SPIRE2: variants seen among roughly 807,000 people sequenced by gnomAD.
SPIRE2 encodes the protein protein spire homolog 2.
In SPIRE2, 76 loss-of-function variants were observed where a neutral mutation model predicts 80.7. The ratio of observed to expected loss-of-function variants is 0.94; its 90% confidence interval spans 0.78 to 1.14. The LOEUF (loss-of-function observed/expected upper bound fraction) is 1.14. Among genes scored for constraint, SPIRE2 ranks in the 50% most tolerant of loss-of-function variants. The pLI is 0.00. For synonymous variants in SPIRE2, 535 were observed against 432.6 expected, an observed-to-expected ratio of 1.24 and a Z score of -2.94; for missense variants, 1,196 against 1,015.3, an observed-to-expected ratio of 1.18 and a Z score of -2.42.
chr16:89,854,253 C>T (rs1261155004), intron 3 of SPIRE2, 33 bp from the exon 4 acceptor site: 4 of 1,601,508 alleles, frequency 2.5e-6, no homozygotes, highest in Non-Finnish European at 3.4e-6. Context: ...ATTCTCGTAC[C>T]TCCCCTGGAC....
chr16:89,857,297 G>A (rs1056879235), intron 7 of SPIRE2, among the ~76,000 whole-genome samples: 5 of 151,566 alleles, frequency 3.3e-5, no homozygotes, highest in East Asian at 2.0e-4. Context: ...CACCACGCCC[G>A]GCTAATTTTT....
At chr16:89,833,250 A>C (rs1199933869) in intron 1 of SPIRE2, among the ~76,000 whole-genome samples, 1 of 151,038 alleles carries the variant, frequency 6.6e-6, no homozygotes, top group Admixed American at 6.6e-5. Context: ...TGGCCTCCGA[A>C]AGTGCTGGGA....
intron 1 of SPIRE2, among the ~76,000 whole-genome samples, chr16:89,834,102 G>T (rs897171920): frequency 3.4e-5 from 5 of 149,044 alleles, no homozygotes; most frequent in African/African-American, 1.2e-4. Flanking sequence ...GCGGTTGGCC[G>T]TCGTAGAAGC....
intron 1 of SPIRE2, among the ~76,000 whole-genome samples, chr16:89,844,743 A>G (rs917392840): frequency 4.6e-5 from 7 of 152,116 alleles, no homozygotes; most frequent in African/African-American, 1.7e-4. Context: ...TGGCCCTCCC[A>G]AAGTAATTTT....
At position 89,843,681 on chromosome 16, in the gene SPIRE2, GT is replaced by G. The variant is rs1567671338; in HGVS notation, c.245-1638del. Among the ~76,000 whole-genome samples, 17 of 65,048 alleles carry G rather than the reference GT, an allele frequency of 2.6e-4. 1 individual carries two copies. The highest frequency in any genetic ancestry group is 1.1e-3 in the African/African-American group (17 of 15,340). The allele number at this position is 65,048 out of a possible 152,430, so 42.7% of individuals were successfully genotyped here. A position where few individuals can be genotyped will look rare whatever the true frequency, so the allele number is the denominator to read the frequency against. On this transcript the variant is annotated intron_variant, in intron 1 of 14. Transcript: ENST00000378247. ...CTTGCTGCCACGTTTTTTTTTTTTT[GT>G]TTGTTTTTGTTTTTTGTTTTTTTTT... is the stretch of plus-strand genomic sequence containing the variant.
chr16:89,861,072 G>A (rs931453452), intron 10 of SPIRE2, among the ~76,000 whole-genome samples: 21 of 152,176 alleles, frequency 1.4e-4, no homozygotes, highest in Admixed American at 8.5e-4. Context: ...TGGGGTTAGG[G>A]CAGACGGTGA....
At chr16:89,848,733 C>A (rs538661749) in intron 2 of SPIRE2, among the ~76,000 whole-genome samples, 1 of 149,328 alleles carries the variant, frequency 6.7e-6, no homozygotes, top group South Asian at 2.1e-4. Flanking sequence ...GAGGCAGGTT[C>A]CAGGGCCTTC....
chr16:89,854,477 T>C lies in SPIRE2; in HGVS notation c.727-10T>C, dbSNP rs1258275801. On this transcript the variant is annotated splice_polypyrimidine_tract_variant and intron_variant, in intron 4 of 14. Transcript: ENST00000378247. The stretch of plus-strand genomic sequence containing the variant: ...GGGGCTGAGACCCATTCTCTTCCCC[T>C]GGGGCCCAGGCCCGACTGTGGGTTC... 3 of 1,611,612 alleles carry C rather than the reference T, an allele frequency of 1.9e-6. No individual in the cohort carries two copies. Among genetic ancestry groups the C allele is most frequent in the Non-Finnish European group, 2.5e-6 (3 of 1,179,144 alleles).
At chr16:89,842,624 C>T (rs2041516139) in intron 1 of SPIRE2, among the ~76,000 whole-genome samples, 1 of 152,224 alleles carries the variant, frequency 6.6e-6, no homozygotes, top group Non-Finnish European at 1.5e-5. Flanking sequence ...CTGAGGACCT[C>T]GCCTGATGTG....
rs946553825 is a variant in SPIRE2 at position 89,855,924 on chromosome 16, G to A, written c.979-189G>A. The A allele has an allele frequency of 5.4e-6, 6 of 1,120,844 alleles. No homozygotes were observed. In the African/African-American group the frequency reaches 6.3e-5, roughly 12 times the overall value. 69.4% of individuals were successfully genotyped at this position (1,120,844 alleles called of 1,614,324 possible). A position where few individuals can be genotyped will look rare whatever the true frequency, so the allele number is the denominator to read the frequency against. ...GTGAGCCATGCCCACCCCACCCCAG[G>A]TGCATGCGGAGCCCAGAGCCCCCTG... On this transcript the variant is annotated intron_variant, in intron 6 of 14. Transcript: ENST00000378247.
At chr16:89,855,784 G>A (rs2041684961) in intron 6 of SPIRE2, 98 bp downstream of exon 6, 2 of 1,256,698 alleles carry the variant, frequency 1.6e-6, no homozygotes, top group African/African-American at 1.5e-5. Flanking sequence ...CCTGTGGCCA[G>A]CCTGGGAGGT....
Position 89,863,964 on chromosome 16 carries a change from G to T in SPIRE2, c.1778+103G>T, listed in dbSNP as rs1297939951. The T allele has an allele frequency of 1.2e-6, 1 of 844,638 alleles. No homozygotes were observed. The highest frequency in any genetic ancestry group is 1.7e-5 in the African/African-American group (1 of 59,020). The allele number at this position is 844,638 out of a possible 1,614,324, so 52.3% of individuals were successfully genotyped here. On this transcript the variant is annotated intron_variant, in intron 12 of 14. Transcript: ENST00000378247. The surrounding 1 kb of genome is among the most constrained non-coding windows in gnomAD (Gnocchi z 4.3). ...TTCCTGTGATTCCAGGAATGTTCTA[G>T]CATGTTCGATGGCTGATGAGTCCAC...
rs764916958 is a variant in SPIRE2, at chr16:89,854,597, C to G, written c.837C>G (p.Phe279Leu). The change falls in exon 5 of 15, where the codon TTC (phenylalanine) becomes TTG (leucine). Residue 279 changes from phenylalanine (F) to leucine (L), a missense_variant. By Grantham distance (22) the Phe-to-Leu change is conservative (BLOSUM62 0). Transcript: ENST00000378247. Reference sequence around the variant, plus strand: ...CCACCGAGTTCCAGCTCACGCCCTTCGAGATGCTGATGCAGGACATCCGGG... The same window carrying G: ...CCACCGAGTTCCAGCTCACGCCCTTGGAGATGCTGATGCAGGACATCCGGG... ...PLPTEFQLTP[F>L]EMLMQDIRAR... 6.2e-6 allele frequency: 10 copies of G among 1,604,414 alleles called. No homozygotes were observed. The highest frequency in any genetic ancestry group is 7.7e-6 in the Non-Finnish European group (9 of 1,175,048).
chr16:89,858,074 A>G (rs1287420226), intron 7 of SPIRE2, among the ~76,000 whole-genome samples: 1 of 150,086 alleles, frequency 6.7e-6, no homozygotes, highest in African/African-American at 2.5e-5. Flanking sequence ...TTTAGTAGAG[A>G]CAGGGTTTCA....
chr16:89,837,281 G>A (rs903166600), intron 1 of SPIRE2, among the ~76,000 whole-genome samples: 4 of 152,146 alleles, frequency 2.6e-5, no homozygotes, highest in Non-Finnish European at 4.4e-5. Flanking sequence ...CCACCCTCAG[G>A]GGACTCGGAT....
At position 89,863,565 on chromosome 16, in the gene SPIRE2, G is replaced by C. The variant is rs1415063737; in HGVS notation, c.1665G>C (p.Lys555Asn). The C allele has an allele frequency of 1.2e-6, 2 of 1,614,126 alleles. No homozygotes were observed. The highest frequency in any genetic ancestry group is 8.5e-7 in the Non-Finnish European group (1 of 1,180,038). ...RRVLVKAEME[K>N]FLQNKELFSS... ...TGCTGGTGAAGGCCGAGATGGAAAA[G>C]TTTTTGCAGAACAAGGAGCTCTTCA... is the stretch of plus-strand genomic sequence containing the variant. The change falls in exon 11 of 15, where the codon AAG becomes AAC. Residue 555 changes from lysine to asparagine, a missense_variant. Coordinates refer to ENST00000378247, the MANE Select transcript of SPIRE2 (RefSeq NM_032451.2). This position sits in a 1 kb window ranked among gnomAD's most constrained non-coding sequence, Gnocchi z 4.3.
At chr16:89,855,523 C>A in intron 5 of SPIRE2, 77 bp from the exon 6 acceptor site, 3 of 1,325,890 alleles carry the variant, frequency 2.3e-6, no homozygotes, top group Non-Finnish European at 3.2e-6. Flanking sequence ...TGTCCTTGGG[C>A]TGAGCAGGCC....
chr16:89,833,011 G>A (rs1481602684), intron 1 of SPIRE2, among the ~76,000 whole-genome samples: 1 of 132,596 alleles, frequency 7.5e-6, no homozygotes, highest in African/African-American at 2.9e-5. Context: ...TTTTTTGTGA[G>A]ACAGAGTTTC....
chr16:89,850,064 C>A (rs1688321684), intron 2 of SPIRE2: 5 of 642,334 alleles, frequency 7.8e-6, no homozygotes, highest in Admixed American at 6.4e-5. Context: ...TCTTGAACTC[C>A]TGACCTCGTG....
Sources: allele counts gnomAD v4.1 joint callset (sites outside exome capture counted in the v4.1 genomes callset), GRCh38; gene constraint gnomAD v4.1.1; non-coding constraint Gnocchi (gnomAD v3.1); transcripts MANE v1.5; gene names NCBI Gene and HGNC (gene_info 2026-07-23, HGNC 2026-07-21).